The following PCDH15 variants were observed in gnomAD, a reference collection of about 807,000 sequenced individuals.
The protein encoded by PCDH15 is protocadherin-15.
In PCDH15, 129 loss-of-function variants were observed where a neutral mutation model predicts 178.5. The observed-to-expected ratio is 0.72, with a 90% CI of 0.63 to 0.84. The LOEUF (loss-of-function observed/expected upper bound fraction) is 0.84, where lower values mean the gene tolerates loss of function less well. Ranked by LOEUF, PCDH15 falls within the 40% of genes least tolerant of loss-of-function variation. The pLI is 0.00. For synonymous variants in PCDH15, 800 were observed against 732.0 expected (o/e 1.09, Z -1.50); for missense variants, 2,230 against 2,099.9 (o/e 1.06, Z -1.21).
At chr10:54,532,415 G>A (rs1256371433) in intron 2 of PCDH15, among the ~76,000 whole-genome samples, 1 of 152,014 alleles carries the variant, frequency 6.6e-6, no homozygotes, top group Non-Finnish European at 1.5e-5. Flanking sequence ...CCCTTGACTA[G>A]GTAAGGTTTC....
At chr10:55,161,672 C>A (rs189934648) in intron 2 of PCDH15, among the ~76,000 whole-genome samples, 300 of 152,128 alleles carry the variant, frequency 2.0e-3, no homozygotes, top group Middle Eastern at 0.01. Flanking sequence ...CTTCTCTAAC[C>A]CTTTCATTAC....
At chr10:55,202,815 C>A (rs959766883) in intron 1 of PCDH15, among the ~76,000 whole-genome samples, 1 of 152,078 alleles carries the variant, frequency 6.6e-6, no homozygotes, top group Admixed American at 6.5e-5. Flanking sequence ...TTGGAAGTTC[C>A]TGCTTCGCTA....
chr10:54,321,399 GTAAA>G (rs1286945017), intron 7 of PCDH15, among the ~76,000 whole-genome samples: 2 of 150,032 alleles, frequency 1.3e-5, no homozygotes, highest in Admixed American at 6.7e-5. Flanking sequence ...TATAAAAATA[GTAAA>G]TAGATAATAA....
intron 2 of PCDH15, 21 bp downstream of exon 2, chr10:54,664,151 T>A: frequency 6.3e-7 from 1 of 1,587,914 alleles, no homozygotes; most frequent in Non-Finnish European, 8.6e-7. Flanking sequence ...GCTCTAAAGG[T>A]CAAGCTAAAA....
chr10:55,476,994 TA>T (rs1427431569), intron 2 of PCDH15, among the ~76,000 whole-genome samples: 1 of 151,858 alleles, frequency 6.6e-6, no homozygotes, highest in Non-Finnish European at 1.5e-5. Flanking sequence ...CTTCGACAAA[TA>T]AAACATGTGA....
chr10:53,994,576 C>T (rs939505350), intron 21 of PCDH15: 2 of 152,000 alleles, frequency 1.3e-5, no homozygotes, highest in African/African-American at 2.4e-5. Flanking sequence ...GAAAAATTGC[C>T]AGTTTCACAT....
chr10:55,590,733 T>C (rs1353562214), intron 2 of PCDH15, among the ~76,000 whole-genome samples: 1 of 152,164 alleles, frequency 6.6e-6, no homozygotes, highest in Admixed American at 6.6e-5. Flanking sequence ...CAAATTAAGA[T>C]TGTAAGTCAC....
intron 26 of PCDH15, among the ~76,000 whole-genome samples, chr10:53,872,615 G>A (rs1241623324): frequency 6.6e-6 from 1 of 152,140 alleles, no homozygotes; most frequent in African/African-American, 2.4e-5. Context: ...TGAAGAGGGC[G>A]CAGAGAAATT....
At chr10:54,092,263 A>T (rs566788392) in intron 15 of PCDH15, among the ~76,000 whole-genome samples, 1 of 152,146 alleles carries the variant, frequency 6.6e-6, no homozygotes, top group East Asian at 1.9e-4. Flanking sequence ...CTGTGTCTGA[A>T]TTTCTTCTCT....
intron 2 of PCDH15, among the ~76,000 whole-genome samples, chr10:54,981,559 T>C (rs941182291): frequency 6.6e-6 from 1 of 152,096 alleles, no homozygotes; most frequent in Non-Finnish European, 1.5e-5. Flanking sequence ...TCAAACCAGA[T>C]TGCCAAGAGA....
At chr10:55,151,245 A>G (rs576604704) in intron 2 of PCDH15, among the ~76,000 whole-genome samples, 11 of 152,224 alleles carry the variant, frequency 7.2e-5, no homozygotes, top group African/African-American at 2.6e-4. Flanking sequence ...TTGAAAATTT[A>G]CATTTAAGTA....
chr10:55,181,301 C>T lies in PCDH15; in HGVS notation c.-155-14650G>A, dbSNP rs532454740. Among the ~76,000 whole-genome samples, 253 of 151,980 alleles carry T rather than the reference C, an allele frequency of 1.7e-3. 1 individual carries two copies. Among genetic ancestry groups the T allele is most frequent in the Middle Eastern group, 0.014 (4 of 294 alleles). ...AAAAATTTTTAAGTATTGGGTTAACCATACTCTTTTGCTTATGACCATTAA... is the reference window on the plus strand; with the variant it reads ...AAAAATTTTTAAGTATTGGGTTAACTATACTCTTTTGCTTATGACCATTAA... On this transcript the variant is annotated intron_variant, in intron 1 of 5. Coordinates refer to the PCDH15 transcript ENST00000458638.
At chr10:54,409,439 A>G (rs1758952829) in intron 3 of PCDH15, among the ~76,000 whole-genome samples, 1 of 152,076 alleles carries the variant, frequency 6.6e-6, no homozygotes, top group Non-Finnish European at 1.5e-5. Context: ...CCTAACTGAT[A>G]TTGCAGACTT....
intron 1 of PCDH15, among the ~76,000 whole-genome samples, chr10:55,226,217 G>C (rs1317858093): frequency 6.6e-6 from 1 of 152,030 alleles, no homozygotes; most frequent in East Asian, 1.9e-4. Context: ...AAAACTTCTA[G>C]CATATGAGAC....
At chr10:53,969,689 G>A (rs753370032) in intron 21 of PCDH15, among the ~76,000 whole-genome samples, 53 of 152,184 alleles carry the variant, frequency 3.5e-4, no homozygotes, top group Non-Finnish European at 5.7e-4. Context: ...TCAGAAGAGA[G>A]CAGGGGACAA....
intron 17 of PCDH15, among the ~76,000 whole-genome samples, 181 bp downstream of exon 17, chr10:54,079,150 G>A (rs1447315600): frequency 2.0e-5 from 3 of 152,200 alleles, no homozygotes; most frequent in Non-Finnish European, 1.5e-5. Flanking sequence ...CAGCACAATA[G>A]CAAATTCAGA....
intron 5 of PCDH15, among the ~76,000 whole-genome samples, chr10:54,364,793 C>T (rs1444752450): frequency 1.3e-5 from 2 of 152,126 alleles, no homozygotes; most frequent in South Asian, 2.1e-4. Flanking sequence ...GTCTGTAGCA[C>T]TGCATTTCTG....
At chr10:55,544,139 C>CATATAT (rs1176456895) in intron 2 of PCDH15, among the ~76,000 whole-genome samples, 1,867 of 53,918 alleles carry the variant, frequency 0.035, 46 homozygotes, top group Non-Finnish European at 0.044. Flanking sequence ...CTTATACATA[C>CATATAT]ATATATATAT....
At chr10:53,860,666 G>T (rs542487240) in intron 27 of PCDH15, among the ~76,000 whole-genome samples, 3 of 148,300 alleles carry the variant, frequency 2.0e-5, no homozygotes, top group Non-Finnish European at 4.4e-5. Flanking sequence ...GGGAGGCAGA[G>T]GTTGCAGAGA....
Sources: gnomAD v4.1 joint callset for allele counts (sites outside exome capture counted in the v4.1 genomes callset) on GRCh38, gnomAD v4.1.1 for gene constraint, MANE v1.5 for transcripts, NCBI Gene and HGNC (gene_info 2026-07-23, HGNC 2026-07-21) for gene names.